Variants in RBFOX2 observed in about 807,000 individuals in gnomAD.
RBFOX2 encodes RNA binding fox-1 homolog 2, also known as RNA binding protein fox-1 homolog 2.
RBFOX2 carries 10 observed loss-of-function variants against 49.1 expected under a neutral mutation model. That is an observed-to-expected ratio of 0.20 (90% confidence interval 0.13 to 0.35). RBFOX2 has a LOEUF of 0.35. RBFOX2 is among the 10% of genes least tolerant of loss of function. The pLI is 1.00. For synonymous variants in RBFOX2, 183 were observed against 187.4 expected, an observed-to-expected ratio of 0.98 and a Z score of 0.19; for missense variants, 323 against 486.9, an observed-to-expected ratio of 0.66 and a Z score of 3.17.
chr22:35,817,983 C>T (rs948530503), intron 1 of RBFOX2, among the ~76,000 whole-genome samples: 3 of 151,518 alleles, frequency 2.0e-5, no homozygotes, highest in African/African-American at 4.9e-5. Flanking sequence ...CACACACACA[C>T]ACCCCTCTTC....
chr22:35,882,402 TG>T (rs1349243419), intron 1 of RBFOX2, among the ~76,000 whole-genome samples: 2 of 152,166 alleles, frequency 1.3e-5, no homozygotes, highest in African/African-American at 4.8e-5. Context: ...CCTGGCTGCG[TG>T]GGTTTAAGAG....
intron 2 of RBFOX2, among the ~76,000 whole-genome samples, chr22:35,792,598 C>T: frequency 6.6e-6 from 1 of 152,052 alleles, no homozygotes; most frequent in Admixed American, 6.5e-5. Flanking sequence ...TCTAATCTTG[C>T]AAACAACCGT....
intron 1 of RBFOX2, among the ~76,000 whole-genome samples, chr22:35,970,298 G>A (rs895007498): frequency 3.3e-5 from 5 of 151,818 alleles, no homozygotes; most frequent in Non-Finnish European, 2.9e-5. Context: ...AGACATCCTC[G>A]CTACCTAGAA....
chr22:35,956,265 G>A (rs937911682), intron 1 of RBFOX2, among the ~76,000 whole-genome samples: 2 of 152,142 alleles, frequency 1.3e-5, no homozygotes, highest in African/African-American at 2.4e-5. Context: ...TCATAGGCCA[G>A]GATACAAGTT....
chr22:35,817,675 T>C (rs1265049374), intron 1 of RBFOX2, among the ~76,000 whole-genome samples: 1 of 152,060 alleles, frequency 6.6e-6, no homozygotes, highest in African/African-American at 2.4e-5. Flanking sequence ...AATGGATCCT[T>C]CTTTTAGCGT....
In RBFOX2 at chr22:35,832,816, C is replaced by A. The variant is rs533751946; in HGVS notation, c.27+7376G>T. On this transcript the variant is annotated intron_variant, in intron 1 of 11. Transcript: ENST00000405409. ...CCAAGACTGCACCACTGTACTCCAG[C>A]CTGGGCAACATAGTGAGATTCAGTC... Among the ~76,000 whole-genome samples, 5 of 152,208 alleles carry A rather than the reference C, an allele frequency of 3.3e-5. No individual in the cohort carries two copies. The South Asian group carries it at 1.0e-3, about 32-fold the overall frequency.
chr22:35,855,700 T>C (rs1465233425), intron 1 of RBFOX2, among the ~76,000 whole-genome samples: 1 of 150,918 alleles, frequency 6.6e-6, no homozygotes, highest in Non-Finnish European at 1.5e-5. Context: ...TGAGCCAGCA[T>C]GCCCAGCCCC....
chr22:35,987,281 G>A (rs1169463343), intron 1 of RBFOX2, among the ~76,000 whole-genome samples: 1 of 152,166 alleles, frequency 6.6e-6, no homozygotes, highest in South Asian at 2.1e-4. Context: ...AATTTAGGCT[G>A]TTCTTTACAA....
rs533983092 is a variant in RBFOX2 at position 36,024,993 on chromosome 22, G to A, written c.186+3247C>T. Among the ~76,000 whole-genome samples, 4 of 151,906 alleles carry A rather than the reference G, an allele frequency of 2.6e-5. No individual in the cohort carries two copies. The South Asian group carries it at 8.3e-4, about 32-fold the overall frequency. ...TGGCTAATTTTTTGTATTTTTAGTA[G>A]AGACGGGTTTCACTATGTTGGCCAG... On this transcript the variant is annotated intron_variant, in intron 1 of 13. Transcript: ENST00000438146.
At chr22:35,913,507 A>G (rs944007708) in intron 1 of RBFOX2, among the ~76,000 whole-genome samples, 5 of 148,736 alleles carry the variant, frequency 3.4e-5, no homozygotes, top group South Asian at 2.1e-4. Flanking sequence ...GTGTGTGTGT[A>G]TACATATATA....
chr22:35,766,384 A>G (rs1940951176), intron 5 of RBFOX2, among the ~76,000 whole-genome samples: 1 of 152,218 alleles, frequency 6.6e-6, no homozygotes, highest in African/African-American at 2.4e-5. Context: ...AGCATAAAAT[A>G]TAAATGTCTT....
At chr22:35,806,548 T>C (rs1281225952) in intron 2 of RBFOX2, among the ~76,000 whole-genome samples, 1 of 150,768 alleles carries the variant, frequency 6.6e-6, no homozygotes, top group Non-Finnish European at 1.5e-5. Context: ...ACTAAGAAAA[T>C]ACAAGAAACA....
At chr22:35,838,433 C>G (rs376817040) in intron 1 of RBFOX2, among the ~76,000 whole-genome samples, 2 of 151,932 alleles carry the variant, frequency 1.3e-5, no homozygotes, top group African/African-American at 2.4e-5. Context: ...CAGAGGTGAT[C>G]GGCGATCAGA....
intron 1 of RBFOX2, among the ~76,000 whole-genome samples, chr22:35,817,683 C>G (rs1432471233): frequency 6.6e-6 from 1 of 151,880 alleles, no homozygotes; most frequent in Admixed American, 6.6e-5. Context: ...CTTCTTTTAG[C>G]GTGGGTATAA....
chr22:35,932,507 G>A (rs958902554), intron 1 of RBFOX2, among the ~76,000 whole-genome samples: 4 of 152,136 alleles, frequency 2.6e-5, no homozygotes, highest in African/African-American at 9.7e-5. Context: ...TAATCAATGG[G>A]ACATTGTGTC....
intron 1 of RBFOX2, among the ~76,000 whole-genome samples, chr22:35,973,308 A>G (rs2056978373): frequency 6.6e-6 from 1 of 152,236 alleles, no homozygotes; most frequent in South Asian, 2.1e-4. Flanking sequence ...ATGAAATTTA[A>G]AGGCTGGCGC....
chr22:35,967,352 TG>T (rs2056622073), intron 1 of RBFOX2, among the ~76,000 whole-genome samples: 1 of 149,818 alleles, frequency 6.7e-6, no homozygotes, highest in African/African-American at 2.5e-5. Flanking sequence ...CACTCTAGCC[TG>T]GGCAACAGAG....
intron 1 of RBFOX2, among the ~76,000 whole-genome samples, chr22:35,958,419 T>C (rs1186077857): frequency 2.0e-5 from 3 of 152,246 alleles, no homozygotes; most frequent in African/African-American, 4.8e-5. Flanking sequence ...TTTTATTATA[T>C]GCTTTGAGTT....
chr22:35,881,992 GAAAA>G (rs897965740), intron 1 of RBFOX2, among the ~76,000 whole-genome samples: 1 of 130,508 alleles, frequency 7.7e-6, no homozygotes, highest in Non-Finnish European at 1.7e-5. Context: ...AAAGAAAAAA[GAAAA>G]AAAAAAGAAA....
Sources: allele counts gnomAD v4.1 joint callset (sites outside exome capture counted in the v4.1 genomes callset), GRCh38; gene constraint gnomAD v4.1.1; transcripts MANE v1.5; gene names NCBI Gene and HGNC (gene_info 2026-07-23, HGNC 2026-07-21).